Variants in FERMT2 observed in about 807,000 individuals in gnomAD.
FERMT2 encodes fermitin family homolog 2.
Under a neutral mutation model 82.7 loss-of-function variants are expected in FERMT2, and 15 were observed. The ratio of observed to expected loss-of-function variants is 0.18; its 90% CI spans 0.12 to 0.28. The LOEUF (loss-of-function observed/expected upper bound fraction) is 0.28. Among genes scored for constraint, FERMT2 ranks in the 10% least tolerant of loss-of-function variants. The pLI, the probability that FERMT2 is intolerant of heterozygous loss-of-function variation, is 1.00. For missense variants in FERMT2, 645 were observed against 809.4 expected, an observed-to-expected ratio of 0.80 and a Z score of 2.46; for synonymous variants, 274 against 271.5, an observed-to-expected ratio of 1.01 and a Z score of -0.09.
chr14:52,874,531 A>C (rs894683933), intron 8 of FERMT2, among the ~76,000 whole-genome samples: 1 of 152,206 alleles, frequency 6.6e-6, no homozygotes, highest in East Asian at 1.9e-4. Flanking sequence ...AAATCTGTAC[A>C]TTGTAAAAGG....
intron 3 of FERMT2, among the ~76,000 whole-genome samples, chr14:52,894,886 TAA>T (rs3068971): frequency 0.76 from 107,535 of 140,902 alleles, 42,697 homozygotes; most frequent in Non-Finnish European, 0.88. Flanking sequence ...TATTTAAAAA[TAA>T]AAAAAAAAAA....
chr14:52,925,462 G>A (rs1889202239), intron 2 of FERMT2, among the ~76,000 whole-genome samples: 1 of 151,576 alleles, frequency 6.6e-6, no homozygotes, highest in South Asian at 2.1e-4. Flanking sequence ...GGAAGGCTGA[G>A]GCAGGAGAAT....
chr14:52,861,162 G>A (rs1287178718), intron 12 of FERMT2: 2 of 712,682 alleles, frequency 2.8e-6, no homozygotes, highest in African/African-American at 3.7e-5. Context: ...CAAAAGTCAT[G>A]CAAAAAACTA....
At chr14:52,898,344 A>G (rs1020999246) in intron 3 of FERMT2, among the ~76,000 whole-genome samples, 4 of 152,176 alleles carry the variant, frequency 2.6e-5, no homozygotes, top group East Asian at 1.9e-4. Flanking sequence ...TAAAAATCAA[A>G]TATTTTCTTC....
At chr14:52,898,045 G>A (rs1449845645) in intron 3 of FERMT2, among the ~76,000 whole-genome samples, 1 of 149,762 alleles carries the variant, frequency 6.7e-6, no homozygotes, top group Non-Finnish European at 1.5e-5. Context: ...GACATAACTA[G>A]GTTTTCATTT....
chr14:52,945,080 C>CTTTAAAAAAAATTT (rs1384019347), intron 2 of FERMT2, among the ~76,000 whole-genome samples: 2 of 151,736 alleles, frequency 1.3e-5, no homozygotes, highest in African/African-American at 4.8e-5. Flanking sequence ...TTTGTATTTT[C>CTTTAAAAAAAATTT]TGTTTTTCTG....
intron 2 of FERMT2, among the ~76,000 whole-genome samples, chr14:52,923,005 TACAAA>T: frequency 6.6e-6 from 1 of 152,184 alleles, no homozygotes; most frequent in Non-Finnish European, 1.5e-5. Flanking sequence ...GATTCTAGGA[TACAAA>T]CCTGTACATA....
At position 52,892,740 on chromosome 14, in the gene FERMT2, G is replaced by A. The variant is rs866134943; in HGVS notation, c.526+553C>T. ...CAAAGTGCTGGGATTACAGGCGTGA[G>A]CCACCGCGCCTGGCCTTAAGTAAGG... On this transcript the variant is annotated intron_variant, in intron 4 of 14. Transcript: ENST00000341590. Among the ~76,000 whole-genome samples, 30 of 152,314 alleles carry A rather than the reference G, an allele frequency of 2.0e-4. No homozygotes were observed. In the Middle Eastern group the frequency reaches 0.01, roughly 52 times the overall value.
Position 52,857,571 on chromosome 14 carries a change from G to A in FERMT2, c.*806C>T, listed in dbSNP as rs569846256. 5.2e-5 allele frequency: 8 copies of A among 152,696 alleles called. No individual in the cohort carries two copies. Among genetic ancestry groups the A allele is most frequent in the Admixed American group, 1.3e-4 (2 of 15,290 alleles). 9.5% of individuals were successfully genotyped at this position (152,696 alleles called of 1,614,324 possible). A position where few individuals can be genotyped will look rare whatever the true frequency, so the allele number is the denominator to read the frequency against. On this transcript the variant is annotated 3_prime_UTR_variant, in exon 15 of 15. Transcript: ENST00000341590. ...TATCTCTTAAAGGCATTTAATTAAC[G>A]CAGAGATTGCTACATTTAAGCCATC... is the stretch of plus-strand genomic sequence containing the variant.
At chr14:52,888,528 A>C (rs553543464) in intron 4 of FERMT2, among the ~76,000 whole-genome samples, 1 of 152,360 alleles carries the variant, frequency 6.6e-6, no homozygotes, top group South Asian at 2.1e-4. Flanking sequence ...CAATTCTACC[A>C]GTAGCTTCTT....
intron 2 of FERMT2, among the ~76,000 whole-genome samples, chr14:52,924,882 G>T (rs533223280): frequency 1.2e-4 from 18 of 152,192 alleles, no homozygotes; most frequent in African/African-American, 4.3e-4. Context: ...AAATGATTTC[G>T]TATTTCAGAT....
rs1890584941 is a variant in FERMT2 at position 52,950,596 on chromosome 14, T to C, written c.-9-19A>G. ...CTCCTTCCTGCGAGCGCGGAGGAAA[T>C]GGCTCTCGTAAGCGTCACTCCCCCA... On this transcript the variant is annotated intron_variant, in intron 1 of 14. Transcript: ENST00000341590. 2 of 1,609,910 alleles carry C rather than the reference T, an allele frequency of 1.2e-6. No homozygotes were observed. The highest frequency in any genetic ancestry group is 1.7e-6 in the Non-Finnish European group (2 of 1,178,016).
chr14:52,897,009 C>CACACACAT (rs1273242175), intron 3 of FERMT2, among the ~76,000 whole-genome samples: 4 of 38,784 alleles, frequency 1.0e-4, no homozygotes, highest in African/African-American at 2.0e-4. Flanking sequence ...AACACACACA[C>CACACACAT]ACACACACAC....
intron 4 of FERMT2, among the ~76,000 whole-genome samples, chr14:52,886,505 A>C (rs779358951): frequency 2.6e-5 from 4 of 152,118 alleles, no homozygotes; most frequent in Admixed American, 6.6e-5. Flanking sequence ...TCTGGGATAT[A>C]TGTGACAGAA....
intron 2 of FERMT2, among the ~76,000 whole-genome samples, chr14:52,932,022 C>T (rs1455299457): frequency 6.6e-6 from 1 of 152,154 alleles, no homozygotes; most frequent in Non-Finnish European, 1.5e-5. Flanking sequence ...GAGCGAGACT[C>T]CGTCTCAAAA....
chr14:52,864,427 A>G lies in FERMT2; in HGVS notation c.1576T>C (p.Tyr526His), dbSNP rs1885148671. ...TGCTTGTTCTTATACTTTTTTAGAT[A>G]GCGGGGAGACACCAAACATTCAGGA... ...ITPECLVSPRYLKKYKNKQIT... is the reference protein window; with the variant it reads ...ITPECLVSPRHLKKYKNKQIT... The change falls in exon 12 of 15, where the codon TAT becomes CAT. Residue 526 changes from tyrosine to histidine, a missense_variant. Transcript: ENST00000341590. 1 of 1,613,534 alleles carries G rather than the reference A, an allele frequency of 6.2e-7. No homozygotes were observed.
chr14:52,895,157 G>T (rs12147852), intron 3 of FERMT2, among the ~76,000 whole-genome samples: 133 of 152,184 alleles, frequency 8.7e-4, no homozygotes, highest in East Asian at 1.5e-3. Context: ...AAACCACAAT[G>T]AGATAGCAGT....
chr14:52,933,852 A>T (rs1484991243), intron 2 of FERMT2, among the ~76,000 whole-genome samples: 90 of 151,658 alleles, frequency 5.9e-4, no homozygotes, highest in African/African-American at 2.0e-3. Flanking sequence ...AGCTCTTACC[A>T]CACCCAGATG....
chr14:52,897,922 G>A (rs1235580445), intron 3 of FERMT2, among the ~76,000 whole-genome samples: 1 of 132,552 alleles, frequency 7.5e-6, no homozygotes, highest in Non-Finnish European at 1.5e-5. Context: ...GTTGCAGTGA[G>A]CTAAGATCAT....
Sources: gnomAD v4.1 joint callset for allele counts (sites outside exome capture counted in the v4.1 genomes callset) on GRCh38, gnomAD v4.1.1 for gene constraint, MANE v1.5 for transcripts, NCBI Gene and HGNC (gene_info 2026-07-23, HGNC 2026-07-21) for gene names.